TBCA: variants seen among roughly 807,000 people sequenced by gnomAD.
The protein encoded by TBCA is tubulin-specific chaperone A.
A neutral mutation model predicts 15.8 loss-of-function variants in TBCA; 6 were observed. That is an observed-to-expected ratio of 0.38 (90% CI 0.21 to 0.75). The LOEUF is 0.75. TBCA is among the 30% of genes least tolerant of loss of function. The probability of loss-of-function intolerance (pLI) is 0.46; values close to 1 mark genes in which losing one functional copy is unlikely to be tolerated. For synonymous variants in TBCA, 32 were observed against 42.3 expected (o/e 0.76, Z 0.94); for missense variants, 90 against 131.2 (o/e 0.69, Z 1.53).
chr5:77,709,659 T>G (rs982063), intron 1 of TBCA, among the ~76,000 whole-genome samples: 22,052 of 152,020 alleles, frequency 0.15, 2,064 homozygotes, highest in East Asian at 0.35. Context: ...TAACCATATG[T>G]CCTGACAATT....
At chr5:77,729,749 C>T (rs911227119) in intron 1 of TBCA, among the ~76,000 whole-genome samples, 1 of 152,166 alleles carries the variant, frequency 6.6e-6, no homozygotes, top group Non-Finnish European at 1.5e-5. Context: ...CAAACATTTA[C>T]GCTGTGATTT....
intron 3 of TBCA, chr5:77,692,961 T>C (rs1580086305): frequency 3.0e-6 from 4 of 1,319,176 alleles, no homozygotes; most frequent in East Asian, 3.0e-5. Context: ...AAAAGATCTT[T>C]ATGTATGAAA....
chr5:77,703,964 C>T (rs1393970541), intron 2 of TBCA, among the ~76,000 whole-genome samples: 1 of 152,078 alleles, frequency 6.6e-6, no homozygotes, highest in Non-Finnish European at 1.5e-5. Flanking sequence ...AAGTGCGGCA[C>T]TTCCCACTTG....
chr5:77,715,211 T>A, intron 1 of TBCA: 1 of 696,282 alleles, frequency 1.4e-6, no homozygotes, highest in Non-Finnish European at 2.6e-6. Flanking sequence ...AAAAAGTTGA[T>A]CTACTATGTC....
At chr5:77,747,391 T>C (rs1226136473) in intron 1 of TBCA, among the ~76,000 whole-genome samples, 1 of 152,170 alleles carries the variant, frequency 6.6e-6, no homozygotes, top group Non-Finnish European at 1.5e-5. Flanking sequence ...ATAAAATATT[T>C]ACTACATTAA....
At chr5:77,702,480 AATT>A (rs1321814843) in intron 2 of TBCA, among the ~76,000 whole-genome samples, 1 of 152,210 alleles carries the variant, frequency 6.6e-6, no homozygotes, top group African/African-American at 2.4e-5. Flanking sequence ...GAGGCAGTGT[AATT>A]ATTTAGGGTT....
chr5:77,769,292 G>A (rs902061370), intron 1 of TBCA, among the ~76,000 whole-genome samples: 1 of 152,162 alleles, frequency 6.6e-6, no homozygotes, highest in Non-Finnish European at 1.5e-5. Context: ...ACTTAGCAAT[G>A]GGGTACAGTG....
intron 1 of TBCA, among the ~76,000 whole-genome samples, chr5:77,719,168 G>GA (rs1357952271): frequency 1.3e-5 from 2 of 152,120 alleles, no homozygotes; most frequent in African/African-American, 4.8e-5. Flanking sequence ...ATTTTCAAAT[G>GA]AGAACCTGCA....
intron 1 of TBCA, among the ~76,000 whole-genome samples, chr5:77,761,802 G>A (rs1747649613): frequency 6.6e-6 from 1 of 150,618 alleles, no homozygotes; most frequent in Non-Finnish European, 1.5e-5. Context: ...CTTTGTTTTT[G>A]TCTCTTCACT....
chr5:77,709,337 C>G (rs1462439026), intron 1 of TBCA, among the ~76,000 whole-genome samples: 1 of 152,188 alleles, frequency 6.6e-6, no homozygotes, highest in East Asian at 1.9e-4. Context: ...CAAAGTTCTA[C>G]TGATTATCCC....
At chr5:77,716,289 T>A (rs1746397593) in intron 1 of TBCA, among the ~76,000 whole-genome samples, 1 of 152,190 alleles carries the variant, frequency 6.6e-6, no homozygotes, top group Admixed American at 6.5e-5. Flanking sequence ...AGAAGTTAGG[T>A]TGGATGAATG....
intron 1 of TBCA, among the ~76,000 whole-genome samples, chr5:77,748,307 G>A (rs1747235831): frequency 6.6e-6 from 1 of 151,894 alleles, no homozygotes; most frequent in Non-Finnish European, 1.5e-5. Context: ...GTAATTAGCT[G>A]GGTAATCCTG....
chr5:77,766,210 C>T lies in TBCA; in HGVS notation c.53+9995G>A, dbSNP rs187387782. 1.5e-4 allele frequency among the ~76,000 whole-genome samples: 23 copies of T among 152,220 alleles called. No homozygotes were observed. The East Asian group carries it at 4.2e-3, about 28-fold the overall frequency. On this transcript the variant is annotated intron_variant, in intron 1 of 3. Coordinates refer to ENST00000380377, the MANE Select transcript of TBCA (RefSeq NM_004607.3). ...CAGTTAAACACACAAACACAGACCC[C>T]TCTATTAAACTAGAATTTAAGAATC...
At chr5:77,728,093 C>T (rs1232230716) in intron 1 of TBCA, among the ~76,000 whole-genome samples, 5 of 151,954 alleles carry the variant, frequency 3.3e-5, no homozygotes, top group Non-Finnish European at 7.4e-5. Context: ...TCTACCAAGA[C>T]CGTATTTCTA....
At chr5:77,733,326 C>T (rs1746818433) in intron 1 of TBCA, among the ~76,000 whole-genome samples, 1 of 152,170 alleles carries the variant, frequency 6.6e-6, no homozygotes, top group Middle Eastern at 3.2e-3. Flanking sequence ...GTGGGAAAGG[C>T]ATGTGGAAAG....
At chr5:77,771,517 A>C (rs73765207) in intron 1 of TBCA, among the ~76,000 whole-genome samples, 10,817 of 152,256 alleles carry the variant, frequency 0.071, 534 homozygotes, top group African/African-American at 0.14. Context: ...TCTAGGAACA[A>C]GACACTCACC....
chr5:77,762,514 G>A (rs1747666446), intron 1 of TBCA, among the ~76,000 whole-genome samples: 3 of 152,076 alleles, frequency 2.0e-5, no homozygotes, highest in Admixed American at 6.6e-5. Context: ...TAAACCACAC[G>A]GTATTGGGTT....
intron 1 of TBCA, among the ~76,000 whole-genome samples, chr5:77,770,749 A>G (rs539475288): frequency 1.3e-5 from 2 of 152,192 alleles, no homozygotes; most frequent in East Asian, 1.9e-4. Flanking sequence ...GAAAAAAAAC[A>G]AAGAGCCAGC....
chr5:77,693,356 G>T lies in TBCA; in HGVS notation c.160-4C>A. On this transcript the variant is annotated splice_polypyrimidine_tract_variant and splice_region_variant and intron_variant, in intron 2 of 3. Coordinates refer to ENST00000380377, the MANE Select transcript of TBCA (RefSeq NM_004607.3). ...TGGATTCTTGTAGGATCTCTGCCTAGAATGAGAATCTCTGTGAGACGTTCA... is the reference window on the plus strand; with the variant it reads ...TGGATTCTTGTAGGATCTCTGCCTATAATGAGAATCTCTGTGAGACGTTCA... 1 of 1,608,588 alleles carries T rather than the reference G, an allele frequency of 6.2e-7. No homozygotes were observed. Among genetic ancestry groups the T allele is most frequent in the South Asian group, 1.1e-5 (1 of 89,834 alleles).
Sources: allele counts gnomAD v4.1 joint callset (sites outside exome capture counted in the v4.1 genomes callset), GRCh38; gene constraint gnomAD v4.1.1; transcripts MANE v1.5; gene names NCBI Gene and HGNC (gene_info 2026-07-23, HGNC 2026-07-21).